PDE11A: variants seen among roughly 807,000 people sequenced by gnomAD.
PDE11A encodes phosphodiesterase 11A, also known as dual 3',5'-cyclic-AMP and -GMP phosphodiesterase 11A.
A neutral mutation model predicts 100.5 loss-of-function variants in PDE11A; 100 were observed. That is an observed-to-expected ratio of 1.00 (90% CI 0.85 to 1.18). The LOEUF (loss-of-function observed/expected upper bound fraction) is 1.18, where lower values mean the gene tolerates loss of function less well. Ranked by LOEUF, PDE11A falls within the 50% of genes most tolerant of loss-of-function variation. The pLI, the probability that PDE11A is intolerant of heterozygous loss-of-function variation, is 0.00. For missense variants in PDE11A, 1,141 were observed against 1,152.6 expected (o/e 0.99, Z 0.15); for synonymous variants, 381 against 420.8 (o/e 0.91, Z 1.16).
rs550186785 is a variant in PDE11A at position 177,886,101 on chromosome 2, T to C, written c.1303-10178A>G. Among the ~76,000 whole-genome samples the C allele has an allele frequency of 1.1e-4, 16 of 152,198 alleles. 4 individuals are homozygous for C. The South Asian group carries it at 3.3e-3, about 32-fold the overall frequency. On this transcript the variant is annotated intron_variant, in intron 4 of 19. Transcript: ENST00000286063. ...ACACAAAAATAAATAGAAATAATAG[T>C]AAATGCATGAGCTGGAAAGAACTAA...
chr2:177,891,465 G>C (rs1311810554), intron 4 of PDE11A, among the ~76,000 whole-genome samples: 2 of 152,174 alleles, frequency 1.3e-5, no homozygotes, highest in Non-Finnish European at 2.9e-5. Flanking sequence ...AGAGCTGTTT[G>C]AAAGTGCTTA....
chr2:177,699,374 G>T (rs967438903), intron 14 of PDE11A, among the ~76,000 whole-genome samples: 30 of 152,244 alleles, frequency 2.0e-4, no homozygotes, highest in Admixed American at 2.0e-3. Context: ...GCACCAATGT[G>T]GTCTCTTGTT....
At chr2:177,971,180 G>A (rs1574315974) in intron 2 of PDE11A, among the ~76,000 whole-genome samples, 1 of 152,212 alleles carries the variant, frequency 6.6e-6, no homozygotes, top group East Asian at 1.9e-4. Flanking sequence ...AAGGCCTTAG[G>A]CAACTCACAA....
intron 2 of PDE11A, among the ~76,000 whole-genome samples, chr2:178,103,880 T>A (rs965091159): frequency 6.6e-6 from 1 of 152,150 alleles, no homozygotes; most frequent in Non-Finnish European, 1.5e-5. Context: ...CCTAAGATAC[T>A]GTCTCACTTT....
intron 14 of PDE11A, 152 bp from the exon 15 acceptor site, chr2:177,697,584 C>T (rs1319580836): frequency 4.9e-6 from 3 of 610,336 alleles, no homozygotes; most frequent in Non-Finnish European, 8.9e-6. Context: ...AACAGATTCT[C>T]TGGCAAACCT....
intron 10 of PDE11A, among the ~76,000 whole-genome samples, chr2:177,746,422 C>T (rs1574101574): frequency 6.6e-6 from 1 of 152,070 alleles, no homozygotes; most frequent in South Asian, 2.1e-4. Context: ...AATGAAATAA[C>T]TAAACAAACC....
At chr2:177,916,080 T>C (rs1289938588) in intron 2 of PDE11A, among the ~76,000 whole-genome samples, 1 of 152,210 alleles carries the variant, frequency 6.6e-6, no homozygotes, top group Non-Finnish European at 1.5e-5. Flanking sequence ...ATATGAAACT[T>C]TGGCTTCCAT....
chr2:177,801,432 G>A (rs1038977426), intron 9 of PDE11A, among the ~76,000 whole-genome samples: 1 of 152,164 alleles, frequency 6.6e-6, no homozygotes, highest in African/African-American at 2.4e-5. Flanking sequence ...CATTTACTCA[G>A]TGAATGAATA....
upstream of PDE11A, among the ~76,000 whole-genome samples, chr2:178,074,313 A>T (rs1048064613): frequency 1.3e-5 from 2 of 152,154 alleles, no homozygotes; most frequent in Non-Finnish European, 2.9e-5. Flanking sequence ...CACAATCTGA[A>T]TATGCTGAAA....
rs1243855502 is a variant in PDE11A, at chr2:178,031,000, T to C, written c.913-16540A>G. Among the ~76,000 whole-genome samples, 3 of 152,296 alleles carry C rather than the reference T, an allele frequency of 2.0e-5. No homozygotes were observed. In the East Asian group the frequency reaches 5.8e-4, roughly 29 times the overall value. ...ATCACTTTTTATAACCAAGTTGATG[T>C]TTCCTAGGAATGCAAGATTGGTTTA... is the stretch of plus-strand genomic sequence containing the variant. On this transcript the variant is annotated intron_variant, in intron 1 of 19. Transcript: ENST00000286063.
At chr2:177,847,218 T>G (rs1402238608) in intron 5 of PDE11A, among the ~76,000 whole-genome samples, 1 of 152,206 alleles carries the variant, frequency 6.6e-6, no homozygotes, top group Non-Finnish European at 1.5e-5. Context: ...TAGGATGAAG[T>G]GGGTATGACC....
At chr2:177,799,877 A>G (rs190611867) in intron 9 of PDE11A, among the ~76,000 whole-genome samples, 4 of 152,292 alleles carry the variant, frequency 2.6e-5, no homozygotes, top group African/African-American at 9.6e-5. Flanking sequence ...CTTGTGGGAA[A>G]GAGTCACTGC....
In PDE11A at chr2:177,997,412, A is replaced by G. The variant is rs991368557; in HGVS notation, c.1071+16890T>C. 6 of 828,424 alleles carry G rather than the reference A, an allele frequency of 7.2e-6. No homozygotes were observed. In the African/African-American group the frequency reaches 1.0e-4, roughly 14 times the overall value. The allele number at this position is 828,424 out of a possible 1,614,324, so 51.3% of individuals were successfully genotyped here. A position where few individuals can be genotyped will look rare whatever the true frequency, so the allele number is the denominator to read the frequency against. ...ATATTCACTGGCTCTCTTTTGCCCA[A>G]TCTCAACCTTTTATACAGGTTTCCA... On this transcript the variant is annotated intron_variant, in intron 2 of 19. Coordinates refer to ENST00000286063, the MANE Select transcript of PDE11A (RefSeq NM_016953.4).
rs2081637202 is a variant in PDE11A, at chr2:177,728,572, A to T, written c.1789-400T>A. ...TGAATTTTAATTGATGCTATTCAGG[A>T]GAAGGAGAAGGGAATACACCACTTT... On this transcript the variant is annotated intron_variant, in intron 10 of 19. Transcript: ENST00000286063. Among the ~76,000 whole-genome samples, 3 of 152,302 alleles carry T rather than the reference A, an allele frequency of 2.0e-5. No homozygotes were observed. In the South Asian group the frequency reaches 6.2e-4, roughly 32 times the overall value.
intron 10 of PDE11A, among the ~76,000 whole-genome samples, chr2:177,756,383 T>C (rs1321190997): frequency 6.6e-6 from 1 of 152,200 alleles, no homozygotes; most frequent in Non-Finnish European, 1.5e-5. Context: ...CCCTTTAAAT[T>C]CATATTGGAG....
chr2:177,672,790 G>A (rs1048966176), intron 17 of PDE11A, among the ~76,000 whole-genome samples: 2 of 152,170 alleles, frequency 1.3e-5, no homozygotes, highest in African/African-American at 4.8e-5. Context: ...TGTAGGGATG[G>A]AAGATAAAAT....
intron 2 of PDE11A, among the ~76,000 whole-genome samples, chr2:178,101,083 C>A (rs1347035943): frequency 2.6e-5 from 4 of 152,210 alleles, no homozygotes; most frequent in Non-Finnish European, 5.9e-5. Context: ...ACAGTAAGGG[C>A]AGACTCCACA....
intron 9 of PDE11A, among the ~76,000 whole-genome samples, chr2:177,806,227 G>GGCCCT (rs11273279): frequency 0.41 from 61,727 of 151,986 alleles, 14,373 homozygotes; most frequent in African/African-American, 0.64. Context: ...ACATGAATTT[G>GGCCCT]GCTGGAGTTG....
intron 4 of PDE11A, among the ~76,000 whole-genome samples, chr2:177,881,099 TAGAA>T (rs1243872877): frequency 6.6e-6 from 1 of 152,172 alleles, no homozygotes; most frequent in Admixed American, 6.5e-5. Flanking sequence ...AGGGCTCAGA[TAGAA>T]AGGAAGAGGA....
Sources: allele counts gnomAD v4.1 joint callset (sites outside exome capture counted in the v4.1 genomes callset), GRCh38; gene constraint gnomAD v4.1.1; transcripts MANE v1.5; gene names NCBI Gene and HGNC (gene_info 2026-07-23, HGNC 2026-07-21).